The following PRKCB variants were observed in gnomAD, a reference collection of about 807,000 sequenced individuals.
PRKCB encodes the protein protein kinase C beta type.
A neutral mutation model predicts 81.5 loss-of-function variants in PRKCB; 13 were observed. That is an observed-to-expected ratio of 0.16 (90% confidence interval 0.10 to 0.25). The LOEUF (loss-of-function observed/expected upper bound fraction) is 0.25. Among genes scored for constraint, PRKCB ranks in the 10% least tolerant of loss-of-function variants. PRKCB has a pLI of 1.00. For synonymous variants in PRKCB, 335 were observed against 321.4 expected (o/e 1.04, Z -0.45); for missense variants, 509 against 875.7 (o/e 0.58, Z 5.29).
At chr16:23,854,972 A>G (rs966054227) in intron 2 of PRKCB, among the ~76,000 whole-genome samples, 1 of 152,206 alleles carries the variant, frequency 6.6e-6, no homozygotes, top group Non-Finnish European at 1.5e-5. Context: ...TGCTGTATGC[A>G]AAGGATACGG....
chr16:23,877,056 C>T (rs934264766), intron 2 of PRKCB, among the ~76,000 whole-genome samples: 3 of 151,988 alleles, frequency 2.0e-5, no homozygotes, highest in Non-Finnish European at 2.9e-5. Context: ...GTCCTGAAAC[C>T]AAATGAATTC....
rs191991671 is a variant in PRKCB, at chr16:23,936,758, A to G, written c.206-51750A>G. Among the ~76,000 whole-genome samples, 665 of 152,172 alleles carry G rather than the reference A, an allele frequency of 4.4e-3. 4 individuals carry two copies. The highest frequency in any genetic ancestry group is 6.4e-3 in the Non-Finnish European group (434 of 67,992). On this transcript the variant is annotated intron_variant, in intron 2 of 16. Coordinates refer to ENST00000643927, the MANE Select transcript of PRKCB (RefSeq NM_002738.7). ...AATAGATGTAAAGTATGGATAATTCATAATTTATTAAACAAGTCCTGTAGG... is the reference window on the plus strand; with the variant it reads ...AATAGATGTAAAGTATGGATAATTCGTAATTTATTAAACAAGTCCTGTAGG...
chr16:24,113,329 TC>T (rs1392118589), intron 8 of PRKCB, among the ~76,000 whole-genome samples: 2 of 133,256 alleles, frequency 1.5e-5, no homozygotes, highest in Non-Finnish European at 3.0e-5. Context: ...TTGCTTTCTT[TC>T]TTGCTTGCTT....
intron 3 of PRKCB, among the ~76,000 whole-genome samples, chr16:24,003,417 C>G (rs1164315598): frequency 1.3e-5 from 2 of 148,890 alleles, no homozygotes; most frequent in African/African-American, 2.5e-5. Flanking sequence ...CAAAGTCTCG[C>G]TCTGTTGCCC....
At chr16:23,978,904 T>A (rs1964658456) in intron 2 of PRKCB, among the ~76,000 whole-genome samples, 1 of 152,210 alleles carries the variant, frequency 6.6e-6, no homozygotes, top group Admixed American at 6.5e-5. Flanking sequence ...TTTACATAGC[T>A]CCATGTGGCT....
At chr16:23,897,316 C>T (rs1280913666) in intron 2 of PRKCB, among the ~76,000 whole-genome samples, 1 of 152,170 alleles carries the variant, frequency 6.6e-6, no homozygotes, top group East Asian at 1.9e-4. Context: ...GTGGGGACTT[C>T]GTGCTGTGAC....
chr16:24,015,709 C>T (rs1965269072), intron 3 of PRKCB, among the ~76,000 whole-genome samples: 3 of 152,264 alleles, frequency 2.0e-5, no homozygotes. Context: ...TCTCTAAGCA[C>T]TGAGTGTCTC....
intron 2 of PRKCB, among the ~76,000 whole-genome samples, chr16:23,871,586 C>CT (rs199649161): frequency 0.026 from 3,874 of 151,308 alleles, 133 homozygotes; most frequent in African/African-American, 0.089. Context: ...TTTATCTTTT[C>CT]TTTTTTTTTG....
At chr16:23,925,780 C>A (rs1282422273) in intron 2 of PRKCB, among the ~76,000 whole-genome samples, 1 of 152,020 alleles carries the variant, frequency 6.6e-6, no homozygotes, top group African/African-American at 2.4e-5. Flanking sequence ...TTCACTCCCC[C>A]ACCCAACCCT....
chr16:23,899,636 CTCTCTCTCTG>C (rs1402954739), intron 2 of PRKCB, among the ~76,000 whole-genome samples: 2,301 of 20,210 alleles, frequency 0.11, 368 homozygotes, highest in South Asian at 0.42. Flanking sequence ...CTCTCTCTCT[CTCTCTCTCTG>C]TGTGTGTGTG....
At chr16:24,035,593 G>T in intron 5 of PRKCB, 46 bp downstream of exon 5, 2 of 1,498,526 alleles carry the variant, frequency 1.3e-6, no homozygotes, top group Non-Finnish European at 1.8e-6. Flanking sequence ...TGCTTGACCT[G>T]TGTGATTGAG....
intron 2 of PRKCB, among the ~76,000 whole-genome samples, chr16:23,964,261 C>G (rs1235217660): frequency 6.6e-6 from 1 of 152,210 alleles, no homozygotes; most frequent in Non-Finnish European, 1.5e-5. Context: ...CAGCGCTGAT[C>G]TAGATAGAAC....
At chr16:23,990,688 C>G (rs1347276639) in intron 3 of PRKCB, among the ~76,000 whole-genome samples, 1 of 152,006 alleles carries the variant, frequency 6.6e-6, no homozygotes, top group Non-Finnish European at 1.5e-5. Flanking sequence ...GCTGGGCCTA[C>G]AAGTGCATGC....
chr16:24,085,256 C>A (rs1388505848), intron 5 of PRKCB, among the ~76,000 whole-genome samples: 3 of 151,834 alleles, frequency 2.0e-5, no homozygotes, highest in Non-Finnish European at 4.4e-5. Flanking sequence ...AATGCCTGGA[C>A]TGGAGTGGAG....
At chr16:23,900,022 T>A (rs578176734) in intron 2 of PRKCB, among the ~76,000 whole-genome samples, 1 of 152,106 alleles carries the variant, frequency 6.6e-6, no homozygotes, top group Non-Finnish European at 1.5e-5. Flanking sequence ...TTAGGACCCA[T>A]AATTTAACTC....
chr16:23,995,358 C>T (rs180710978), intron 3 of PRKCB, among the ~76,000 whole-genome samples: 54 of 152,296 alleles, frequency 3.5e-4, no homozygotes, highest in African/African-American at 1.3e-3. Context: ...CCATCTGACC[C>T]AGCAAATCCA....
intron 2 of PRKCB, among the ~76,000 whole-genome samples, chr16:23,896,683 C>G (rs1963383781): frequency 6.6e-6 from 1 of 152,160 alleles, no homozygotes; most frequent in South Asian, 2.1e-4. Flanking sequence ...GGCAGAAGGA[C>G]TAGCATATGC....
intron 2 of PRKCB, among the ~76,000 whole-genome samples, chr16:23,986,984 T>A (rs1964811740): frequency 6.6e-6 from 1 of 152,194 alleles, no homozygotes; most frequent in South Asian, 2.1e-4. Flanking sequence ...ACAAGACCAT[T>A]ATCACACCAA....
intron 2 of PRKCB, among the ~76,000 whole-genome samples, chr16:23,940,855 T>C (rs1272692979): frequency 6.6e-6 from 1 of 152,190 alleles, no homozygotes; most frequent in African/African-American, 2.4e-5. Context: ...GATTATTTAC[T>C]CTCTCAGTCT....
Sources: gnomAD v4.1 joint callset for allele counts (sites outside exome capture counted in the v4.1 genomes callset) on GRCh38, gnomAD v4.1.1 for gene constraint, MANE v1.5 for transcripts, NCBI Gene and HGNC (gene_info 2026-07-23, HGNC 2026-07-21) for gene names.